The following DCLK1 variants were observed in gnomAD, a reference collection of about 807,000 sequenced individuals.
The protein encoded by DCLK1 is doublecortin like kinase 1, also known as serine/threonine-protein kinase DCLK1.
DCLK1 carries 16 observed loss-of-function variants against 86.2 expected under a neutral mutation model. That is an observed-to-expected ratio of 0.19 (90% CI 0.13 to 0.28). The LOEUF (loss-of-function observed/expected upper bound fraction) is 0.28, where lower values mean the gene tolerates loss of function less well. DCLK1 is among the 10% of genes least tolerant of loss of function. The pLI, the probability that DCLK1 is intolerant of heterozygous loss-of-function variation, is 1.00. For missense variants in DCLK1, 590 were observed against 940.2 expected, an observed-to-expected ratio of 0.63 and a Z score of 4.87; for synonymous variants, 369 against 370.5, an observed-to-expected ratio of 1.00 and a Z score of 0.05.
intron 3 of DCLK1, among the ~76,000 whole-genome samples, chr13:35,952,049 T>C (rs1219739500): frequency 6.6e-6 from 1 of 152,196 alleles, no homozygotes; most frequent in Non-Finnish European, 1.5e-5. Context: ...CGGTTTATCA[T>C]ATCAGTTGTT....
At chr13:35,849,880 T>C in intron 6 of DCLK1, 2 of 958,452 alleles carry the variant, frequency 2.1e-6, no homozygotes, top group Non-Finnish European at 2.5e-6. Flanking sequence ...AAAAAAAAAT[T>C]CCCAGCTTTA....
chr13:35,883,765 G>A (rs1873059287), intron 4 of DCLK1, among the ~76,000 whole-genome samples: 1 of 152,196 alleles, frequency 6.6e-6, no homozygotes, highest in Non-Finnish European at 1.5e-5. Context: ...ACTTGGAGAT[G>A]ATGAGGAGAT....
intron 3 of DCLK1, among the ~76,000 whole-genome samples, chr13:36,061,800 G>A (rs1883557201): frequency 6.6e-6 from 1 of 152,078 alleles, no homozygotes; most frequent in Admixed American, 6.6e-5. Flanking sequence ...ATTTAATAGC[G>A]TTACCTTGCA....
chr13:36,022,609 A>G (rs1174012484), intron 3 of DCLK1, among the ~76,000 whole-genome samples: 1 of 152,170 alleles, frequency 6.6e-6, no homozygotes, highest in South Asian at 2.1e-4. Flanking sequence ...TTGCAGAAAT[A>G]TAAAGGATTA....
intron 3 of DCLK1, among the ~76,000 whole-genome samples, chr13:36,046,347 C>T (rs9546231): frequency 0.051 from 7,804 of 152,286 alleles, 207 homozygotes; most frequent in Middle Eastern, 0.092. Flanking sequence ...CACAGCTAAA[C>T]AGCGCCTGAA....
At chr13:35,779,634 TAA>T (rs1258750468) in intron 16 of DCLK1, among the ~76,000 whole-genome samples, 4 of 152,258 alleles carry the variant, frequency 2.6e-5, no homozygotes, top group African/African-American at 7.2e-5. Context: ...TAAAAAGTAT[TAA>T]GAGTCAATAT....
At chr13:35,874,400 T>C (rs1872477658) in intron 4 of DCLK1, among the ~76,000 whole-genome samples, 1 of 151,950 alleles carries the variant, frequency 6.6e-6, no homozygotes, top group Non-Finnish European at 1.5e-5. Flanking sequence ...GTCTCATGAA[T>C]TGAAATGGGG....
intron 3 of DCLK1, among the ~76,000 whole-genome samples, chr13:35,992,517 G>C (rs1050049795): frequency 3.3e-5 from 5 of 150,858 alleles, no homozygotes; most frequent in Non-Finnish European, 7.4e-5. Context: ...GACAAGTTTT[G>C]TGCATTTCTA....
intron 4 of DCLK1, among the ~76,000 whole-genome samples, chr13:35,915,068 GA>G (rs1467936773): frequency 6.6e-6 from 1 of 152,174 alleles, no homozygotes; most frequent in East Asian, 1.9e-4. Flanking sequence ...TTTCCCATGA[GA>G]AAGTTAACTG....
chr13:36,022,797 G>A (rs1343888744), intron 3 of DCLK1, among the ~76,000 whole-genome samples: 1 of 152,110 alleles, frequency 6.6e-6, no homozygotes, highest in East Asian at 1.9e-4. Flanking sequence ...TGGACCATAT[G>A]ACTTCACTAA....
At chr13:36,062,118 G>A (rs1883572746) in intron 3 of DCLK1, among the ~76,000 whole-genome samples, 1 of 151,768 alleles carries the variant, frequency 6.6e-6, no homozygotes, top group Non-Finnish European at 1.5e-5. Flanking sequence ...AATAAATGTG[G>A]GTGTTCCCAT....
chr13:35,964,430 T>G (rs1263595895), intron 3 of DCLK1, among the ~76,000 whole-genome samples: 1 of 152,218 alleles, frequency 6.6e-6, no homozygotes, highest in Non-Finnish European at 1.5e-5. Context: ...TCATAGGCAG[T>G]GCTAGAGTTT....
At chr13:35,866,031 C>A (rs1008164244) in intron 5 of DCLK1, among the ~76,000 whole-genome samples, 6 of 152,148 alleles carry the variant, frequency 3.9e-5, no homozygotes, top group Non-Finnish European at 8.8e-5. Context: ...AAATAGGTAT[C>A]AAGGACTGCC....
In DCLK1 at chr13:35,774,648, C is replaced by T; in HGVS notation, c.2110G>A (p.Asp704Asn). Residue 704 changes from aspartate (D) to asparagine (N), a missense_variant, in exon 17 of 17, where the codon GAT (aspartate) becomes AAT (asparagine). Asp to Asn is a conservative substitution (Grantham distance 23). Coordinates refer to ENST00000360631, the MANE Select transcript of DCLK1 (RefSeq NM_001330071.2). ...TGCGCCTTGTACCGGCTCCTCACAT[C>T]CTGGTTGCGTCTTCGTCGGAAAACC... ...RQVFRRRRNQ[D>N]VRSRYKAQPA... The T allele has an allele frequency of 1.2e-6, 2 of 1,609,578 alleles. No individual in the cohort carries two copies. The highest frequency in any genetic ancestry group is 1.7e-4 in the Middle Eastern group (1 of 6,054).
chr13:36,114,333 T>A (rs531487209), intron 2 of DCLK1, among the ~76,000 whole-genome samples: 5 of 152,254 alleles, frequency 3.3e-5, no homozygotes, highest in Non-Finnish European at 5.9e-5. Context: ...ATGTGTTTAA[T>A]CTGAGCTGTA....
chr13:35,877,832 A>G (rs778705800), intron 4 of DCLK1, among the ~76,000 whole-genome samples: 2 of 152,214 alleles, frequency 1.3e-5, no homozygotes, highest in Non-Finnish European at 2.9e-5. Flanking sequence ...CTATATGCAA[A>G]AGAGAGTGAG....
At chr13:35,981,330 T>C (rs1362344599) in intron 3 of DCLK1, among the ~76,000 whole-genome samples, 2 of 152,082 alleles carry the variant, frequency 1.3e-5, no homozygotes, top group Non-Finnish European at 2.9e-5. Context: ...AAATATATAC[T>C]TTTTTTAAGG....
At chr13:35,885,310 A>C (rs897128894) in intron 4 of DCLK1, among the ~76,000 whole-genome samples, 6 of 152,192 alleles carry the variant, frequency 3.9e-5, no homozygotes, top group Middle Eastern at 3.2e-3. Context: ...GGGACAACAA[A>C]AAAAAAATTC....
At chr13:35,906,358 C>T (rs1874692274) in intron 4 of DCLK1, among the ~76,000 whole-genome samples, 1 of 150,782 alleles carries the variant, frequency 6.6e-6, no homozygotes. Flanking sequence ...TATAGCAAAG[C>T]CTAACAATGT....
Sources: allele counts gnomAD v4.1 joint callset (sites outside exome capture counted in the v4.1 genomes callset), GRCh38; gene constraint gnomAD v4.1.1; transcripts MANE v1.5; gene names NCBI Gene and HGNC (gene_info 2026-07-23, HGNC 2026-07-21).